The following PDE4D variants were observed in gnomAD, a reference collection of about 807,000 sequenced individuals.
PDE4D encodes the protein 3',5'-cyclic-AMP phosphodiesterase 4D.
PDE4D carries 24 observed loss-of-function variants against 87.4 expected under a neutral mutation model. The observed-to-expected ratio is 0.27, with a 90% CI of 0.20 to 0.39. PDE4D has a LOEUF of 0.39. PDE4D is among the 10% of genes least tolerant of loss of function. The pLI is 1.00. For synonymous variants in PDE4D, 384 were observed against 383.2 expected (o/e 1.00, Z -0.02); for missense variants, 714 against 1,041.0 (o/e 0.69, Z 4.32).
chr5:60,371,002 C>T (rs985916022), intron 1 of PDE4D, among the ~76,000 whole-genome samples: 2 of 152,166 alleles, frequency 1.3e-5, no homozygotes, highest in African/African-American at 2.4e-5. Flanking sequence ...CAGGAGAAAC[C>T]ATATGTGAGC....
chr5:60,361,322 G>A (rs1305679764), intron 1 of PDE4D, among the ~76,000 whole-genome samples: 1 of 152,130 alleles, frequency 6.6e-6, no homozygotes, highest in African/African-American at 2.4e-5. Context: ...TTTAATAATT[G>A]ATTAGTAAAT....
intron 3 of PDE4D, among the ~76,000 whole-genome samples, chr5:59,978,032 A>G (rs1353643650): frequency 1.3e-5 from 2 of 152,222 alleles, no homozygotes; most frequent in Non-Finnish European, 2.9e-5. Context: ...TTTTCAAAAT[A>G]TGACTGTTCA....
chr5:60,407,415 T>TTACATTTG, intron 1 of PDE4D, among the ~76,000 whole-genome samples: 1 of 150,646 alleles, frequency 6.6e-6, no homozygotes, highest in South Asian at 2.1e-4. Flanking sequence ...TCTTTCATCC[T>TTACATTTG]TACATTTGTA....
intron 1 of PDE4D, among the ~76,000 whole-genome samples, chr5:59,470,913 C>T (rs1365908729): frequency 6.6e-6 from 1 of 151,946 alleles, no homozygotes; most frequent in African/African-American, 2.4e-5. Flanking sequence ...TGTGAACTGA[C>T]CTCAAAGTTA....
At chr5:59,558,430 T>C (rs1819354375) in intron 1 of PDE4D, 1 of 152,102 alleles carries the variant, frequency 6.6e-6, no homozygotes, top group Admixed American at 6.6e-5. Context: ...GGTAAAAGCA[T>C]ATCATTCTCT....
At chr5:59,348,569 G>A (rs1271042859) in intron 1 of PDE4D, among the ~76,000 whole-genome samples, 1 of 140,086 alleles carries the variant, frequency 7.1e-6, no homozygotes, top group East Asian at 2.1e-4. Context: ...TTTTTATAGA[G>A]TTTATTTCTT....
chr5:59,730,230 A>G (rs751282091), intron 1 of PDE4D, among the ~76,000 whole-genome samples: 22 of 152,078 alleles, frequency 1.4e-4, no homozygotes, highest in Non-Finnish European at 3.1e-4. Flanking sequence ...ATCACTGAGA[A>G]GAGAAACCAA....
At chr5:60,100,061 A>C (rs1482135058) in intron 2 of PDE4D, among the ~76,000 whole-genome samples, 1 of 152,022 alleles carries the variant, frequency 6.6e-6, no homozygotes, top group Non-Finnish European at 1.5e-5. Context: ...AATATTATGC[A>C]GTTGAAAGAA....
intron 1 of PDE4D, among the ~76,000 whole-genome samples, chr5:59,758,595 A>AT: frequency 6.6e-6 from 1 of 152,306 alleles, no homozygotes; most frequent in East Asian, 1.9e-4. Context: ...GTAAAAGAGA[A>AT]TTTTAAATTA....
intron 2 of PDE4D, among the ~76,000 whole-genome samples, chr5:60,094,588 CTTTTTTTTTTT>C (rs3087200): frequency 3.4e-5 from 2 of 58,180 alleles, no homozygotes; most frequent in East Asian, 1.4e-3. Flanking sequence ...GAGTGACATG[CTTTTTTTTTTT>C]TTTTTTTTTT....
chr5:59,412,728 A>C (rs1337065605), intron 1 of PDE4D, among the ~76,000 whole-genome samples: 1 of 152,266 alleles, frequency 6.6e-6, no homozygotes, highest in Non-Finnish European at 1.5e-5. Context: ...AAGCAAAAAG[A>C]AAATGATTGT....
At chr5:59,611,742 A>G (rs1829033034) in intron 1 of PDE4D, among the ~76,000 whole-genome samples, 1 of 152,148 alleles carries the variant, frequency 6.6e-6, no homozygotes, top group Non-Finnish European at 1.5e-5. Flanking sequence ...GGCCCACCTT[A>G]CTTTGTCACT....
At chr5:60,384,381 A>G (rs1332724535) in intron 1 of PDE4D, among the ~76,000 whole-genome samples, 1 of 152,210 alleles carries the variant, frequency 6.6e-6, no homozygotes, top group African/African-American at 2.4e-5. Flanking sequence ...AATAAAACTA[A>G]ATGTCTTAAG....
At chr5:59,119,167 T>C (rs534934320) in intron 5 of PDE4D, among the ~76,000 whole-genome samples, 11 of 152,246 alleles carry the variant, frequency 7.2e-5, no homozygotes, top group Admixed American at 2.0e-4. Flanking sequence ...GGCGTGACCA[T>C]ATTCACGAAA....
intron 1 of PDE4D, among the ~76,000 whole-genome samples, chr5:60,275,571 A>C (rs974255675): frequency 6.6e-6 from 1 of 151,808 alleles, no homozygotes; most frequent in African/African-American, 2.4e-5. Context: ...TGAAGGCCAC[A>C]ATGTGTTTTT....
intron 6 of PDE4D, among the ~76,000 whole-genome samples, chr5:59,031,462 C>T (rs1757487999): frequency 1.4e-5 from 2 of 142,420 alleles, no homozygotes; most frequent in Non-Finnish European, 3.0e-5. Context: ...AATCCCAGCA[C>T]TTTGGGAGGC....
intron 2 of PDE4D, among the ~76,000 whole-genome samples, chr5:60,134,642 C>G (rs1245443102): frequency 6.6e-6 from 1 of 152,190 alleles, no homozygotes; most frequent in East Asian, 1.9e-4. Flanking sequence ...TAGTGTTTGC[C>G]TATAACCCAT....
At chr5:59,931,299 G>A (rs1755889456) in intron 3 of PDE4D, among the ~76,000 whole-genome samples, 1 of 152,138 alleles carries the variant, frequency 6.6e-6, no homozygotes, top group Non-Finnish European at 1.5e-5. Flanking sequence ...GGCTTTATTT[G>A]TTATATAAAA....
In PDE4D at chr5:59,378,400, A is replaced by T. The variant is rs573409114; in HGVS notation, c.456-162432T>A. ...GTGACCCAAGTTTACCTATATAACA[A>T]ACCTGCACATGTACCCCTGAACTTA... On this transcript the variant is annotated intron_variant, in intron 1 of 14. Coordinates refer to ENST00000340635, the MANE Select transcript of PDE4D (RefSeq NM_001104631.2). Among the ~76,000 whole-genome samples the T allele has an allele frequency of 2.9e-4, 44 of 152,282 alleles. 2 individuals carry two copies. In the South Asian group the frequency reaches 6.7e-3, roughly 23 times the overall value.
Sources: gnomAD v4.1 joint callset for allele counts (sites outside exome capture counted in the v4.1 genomes callset) on GRCh38, gnomAD v4.1.1 for gene constraint, MANE v1.5 for transcripts, NCBI Gene and HGNC (gene_info 2026-07-23, HGNC 2026-07-21) for gene names.